The following ADGRL3 variants were observed in gnomAD, a reference collection of about 807,000 sequenced individuals.
The protein encoded by ADGRL3 is adhesion G protein-coupled receptor L3.
Under a neutral mutation model 153.5 loss-of-function variants are expected in ADGRL3, and 62 were observed. The ratio of observed to expected loss-of-function variants is 0.40; its 90% confidence interval spans 0.33 to 0.50. The LOEUF (loss-of-function observed/expected upper bound fraction) is 0.50. Among genes scored for constraint, ADGRL3 ranks in the 20% least tolerant of loss-of-function variants. The probability of loss-of-function intolerance (pLI) is 0.47; values close to 1 mark genes in which losing one functional copy is unlikely to be tolerated. For missense variants in ADGRL3, 1,641 were observed against 1,859.4 expected, an observed-to-expected ratio of 0.88 and a Z score of 2.16; for synonymous variants, 710 against 672.5, an observed-to-expected ratio of 1.06 and a Z score of -0.86.
At chr4:61,416,041 T>A (rs1262874405) in intron 2 of ADGRL3, among the ~76,000 whole-genome samples, 1 of 152,112 alleles carries the variant, frequency 6.6e-6, no homozygotes, top group Admixed American at 6.5e-5. Context: ...ACCTAGTTTC[T>A]CTAATCTCTA....
chr4:62,041,639 T>C (rs1030214124), intron 24 of ADGRL3, among the ~76,000 whole-genome samples: 1 of 152,024 alleles, frequency 6.6e-6, no homozygotes, highest in African/African-American at 2.4e-5. Context: ...CCGCAACTTA[T>C]TCTAATCATT....
At chr4:61,310,242 G>C (rs2094946576) in intron 1 of ADGRL3, among the ~76,000 whole-genome samples, 1 of 151,590 alleles carries the variant, frequency 6.6e-6, no homozygotes, top group Non-Finnish European at 1.5e-5. Flanking sequence ...TATATAAAAT[G>C]GGCCAGGTTT....
chr4:61,696,815 A>G (rs2095652020), intron 6 of ADGRL3, among the ~76,000 whole-genome samples: 1 of 151,376 alleles, frequency 6.6e-6, no homozygotes, highest in Admixed American at 6.6e-5. Context: ...AGCTTGGATT[A>G]TAGGCGCCTG....
intron 6 of ADGRL3, among the ~76,000 whole-genome samples, chr4:61,679,173 G>A (rs1643945946): frequency 6.6e-6 from 1 of 151,906 alleles, no homozygotes. Context: ...AGGTGAAGGG[G>A]GAGCAGGTAC....
At chr4:61,705,422 G>A (rs182847672) in intron 6 of ADGRL3, among the ~76,000 whole-genome samples, 3 of 148,674 alleles carry the variant, frequency 2.0e-5, no homozygotes, top group African/African-American at 7.3e-5. Context: ...AGATATACAT[G>A]TTATATGTAT....
At chr4:61,321,333 G>A (rs2095351647) in intron 1 of ADGRL3, among the ~76,000 whole-genome samples, 1 of 152,004 alleles carries the variant, frequency 6.6e-6, no homozygotes, top group African/African-American at 2.4e-5. Context: ...CTCTTACTAT[G>A]TCTGCACATC....
intron 6 of ADGRL3, among the ~76,000 whole-genome samples, chr4:61,719,360 A>G (rs558863556): frequency 1.3e-5 from 2 of 152,314 alleles, no homozygotes; most frequent in East Asian, 3.9e-4. Flanking sequence ...GGTTAAGCCA[A>G]TGGAATCATG....
At chr4:61,568,330 C>T (rs1159953846) in intron 4 of ADGRL3, among the ~76,000 whole-genome samples, 2 of 152,152 alleles carry the variant, frequency 1.3e-5, no homozygotes, top group East Asian at 3.9e-4. Flanking sequence ...CCAACTGTCT[C>T]TCTTCTCATT....
At chr4:61,209,485 G>A (rs950258401) in intron 1 of ADGRL3, among the ~76,000 whole-genome samples, 10 of 152,048 alleles carry the variant, frequency 6.6e-5, no homozygotes, top group Admixed American at 4.6e-4. Context: ...TTAAGAAAAC[G>A]TAGCTAAATC....
chr4:61,912,806 T>C (rs2098727870), intron 13 of ADGRL3, 49 bp downstream of exon 13: 1 of 1,528,622 alleles, frequency 6.5e-7, no homozygotes, highest in Non-Finnish European at 9.0e-7. Context: ...ATGTCTCTGT[T>C]GTGATGGCAT....
chr4:61,421,226 T>C (rs2097203345), intron 2 of ADGRL3, among the ~76,000 whole-genome samples: 1 of 151,932 alleles, frequency 6.6e-6, no homozygotes, highest in Non-Finnish European at 1.5e-5. Context: ...CCCAGCTACT[T>C]GGGAGGCTGA....
chr4:61,874,076 C>T (rs540482375), intron 9 of ADGRL3, among the ~76,000 whole-genome samples: 6 of 152,110 alleles, frequency 3.9e-5, no homozygotes, highest in East Asian at 3.9e-4. Flanking sequence ...AACAATGCTA[C>T]GGCAAACTTA....
At chr4:61,715,271 G>C (rs1354407363) in intron 6 of ADGRL3, among the ~76,000 whole-genome samples, 2 of 152,096 alleles carry the variant, frequency 1.3e-5, no homozygotes, top group Admixed American at 1.3e-4. Flanking sequence ...AGATCTAAGT[G>C]GCAAATATCT....
chr4:61,685,479 G>T (rs1368080228), intron 6 of ADGRL3, among the ~76,000 whole-genome samples: 4 of 152,110 alleles, frequency 2.6e-5, no homozygotes, highest in Non-Finnish European at 5.9e-5. Flanking sequence ...CAATGAAGGG[G>T]CTGGCTTACA....
chr4:61,450,554 T>TAG (rs2097661260), intron 2 of ADGRL3, among the ~76,000 whole-genome samples: 1 of 152,188 alleles, frequency 6.6e-6, no homozygotes, highest in African/African-American at 2.4e-5. Flanking sequence ...ATAGTTTGCT[T>TAG]TAAGACTATC....
At chr4:62,048,806 G>A (rs1732577427) in intron 25 of ADGRL3, among the ~76,000 whole-genome samples, 1 of 151,906 alleles carries the variant, frequency 6.6e-6, no homozygotes. Context: ...GTCTGCCTCA[G>A]TCTCCCAAAG....
chr4:62,029,364 C>T (rs1175087344), intron 22 of ADGRL3, among the ~76,000 whole-genome samples: 3 of 151,700 alleles, frequency 2.0e-5, no homozygotes, highest in African/African-American at 7.2e-5. Flanking sequence ...GAAAAAAATG[C>T]CTTCTTCAAA....
At chr4:61,208,933 G>A (rs188967649) in intron 1 of ADGRL3, among the ~76,000 whole-genome samples, 40 of 152,118 alleles carry the variant, frequency 2.6e-4, no homozygotes, top group Middle Eastern at 3.4e-3. Context: ...GTGAGTGGTC[G>A]TATGTCTAGT....
At position 61,682,182 on chromosome 4, in the gene ADGRL3, A is replaced by ATAT. The variant is rs912909924; in HGVS notation, c.583+5263_583+5265dup. Among the ~76,000 whole-genome samples the ATAT allele has an allele frequency of 4.2e-4, 64 of 151,740 alleles. No individual in the cohort carries two copies. In the East Asian group the frequency reaches 9.7e-3, roughly 23 times the overall value. ...AGAATGATACCAGCAACCTTTTTTC[A>ATAT]TATTATTATTATTATTATGTATGCC... On this transcript the variant is annotated intron_variant, in intron 6 of 26. Transcript: ENST00000683033.
Sources: gnomAD v4.1 joint callset for allele counts (sites outside exome capture counted in the v4.1 genomes callset) on GRCh38, gnomAD v4.1.1 for gene constraint, MANE v1.5 for transcripts, NCBI Gene and HGNC (gene_info 2026-07-23, HGNC 2026-07-21) for gene names.